PHYH: variants seen among roughly 807,000 people sequenced by gnomAD.
PHYH encodes the protein phytanoyl-CoA dioxygenase, peroxisomal.
In PHYH, 32 loss-of-function variants were observed where a neutral mutation model predicts 38.5. The ratio of observed to expected loss-of-function variants is 0.83; its 90% CI spans 0.63 to 1.12. The LOEUF (loss-of-function observed/expected upper bound fraction) is 1.12. PHYH is among the 50% of genes most tolerant of loss of function. PHYH has a pLI of 0.00. For synonymous variants in PHYH, 166 were observed against 157.9 expected, an observed-to-expected ratio of 1.05 and a Z score of -0.38; for missense variants, 426 against 434.8, an observed-to-expected ratio of 0.98 and a Z score of 0.18.
rs1436330773 is a variant in PHYH, at chr10:13,278,465, C to A, written c.964-111G>T. ...GATTTCTAGCTTCTATGAAAGGTTA[C>A]ATAGGGAAAATAATCCCTGTAAGTT... On this transcript the variant is annotated intron_variant, in intron 8 of 8. Coordinates refer to ENST00000263038, the MANE Select transcript of PHYH (RefSeq NM_006214.4). The A allele has an allele frequency of 2.2e-5, 17 of 783,778 alleles. No individual in the cohort carries two copies. The East Asian group carries it at 3.8e-4, about 18-fold the overall frequency. 48.6% of individuals were successfully genotyped at this position (783,778 alleles called of 1,614,324 possible).
At position 13,294,341 on chromosome 10, in the gene PHYH, C is replaced by A. The variant is rs1588515969; in HGVS notation, c.414+87G>T. ...ACAGTGCTCGGATTACAGGAGTGAG[C>A]CACTGCGCCCGGCCAAATCAGCGGG... On this transcript the variant is annotated intron_variant, in intron 4 of 8. Coordinates refer to ENST00000263038, the MANE Select transcript of PHYH (RefSeq NM_006214.4). 2.4e-6 allele frequency: 3 copies of A among 1,238,776 alleles called. No homozygotes were observed. In the East Asian group the frequency reaches 7.0e-5, roughly 29 times the overall value. 76.7% of individuals were successfully genotyped at this position (1,238,776 alleles called of 1,614,324 possible).
chr10:13,279,867 A>G (rs1835372004), intron 8 of PHYH, among the ~76,000 whole-genome samples: 1 of 152,232 alleles, frequency 6.6e-6, no homozygotes, highest in Non-Finnish European at 1.5e-5. Flanking sequence ...GTACTGAACA[A>G]AAAGTGAGGA....
chr10:13,290,461 G>A (rs1440328864), intron 5 of PHYH, among the ~76,000 whole-genome samples: 4 of 152,074 alleles, frequency 2.6e-5, no homozygotes, highest in East Asian at 1.9e-4. Context: ...GAGAGACCTG[G>A]TAATGCTAAG....
intron 7 of PHYH, among the ~76,000 whole-genome samples, chr10:13,282,634 A>G (rs1588506874): frequency 6.6e-6 from 1 of 150,712 alleles, no homozygotes; most frequent in Non-Finnish European, 1.5e-5. Context: ...CCAAGTCTAT[A>G]TATTAAAACC....
chr10:13,292,933 CAAAA>C (rs57345841), intron 4 of PHYH, among the ~76,000 whole-genome samples: 14 of 109,894 alleles, frequency 1.3e-4, no homozygotes, highest in Admixed American at 3.8e-4. Flanking sequence ...GACTCTGTCT[CAAAA>C]AAAAAAAAAA....
chr10:13,294,331 C>T (rs1835784655), intron 4 of PHYH, 97 bp downstream of exon 4: 1 of 1,100,034 alleles, frequency 9.1e-7, no homozygotes, highest in Non-Finnish European at 1.4e-6. Context: ...GCTCGGATTA[C>T]AGGAGTGAGC....
rs1490568614 is a variant in PHYH at position 13,287,938 on chromosome 10, G to T, written c.678+422C>A. On this transcript the variant is annotated intron_variant, in intron 6 of 8. Coordinates refer to ENST00000263038, the MANE Select transcript of PHYH (RefSeq NM_006214.4). ...CTCATGCCTTTAATCCCAGCACTTA[G>T]GGAGGCCGAGGTGAACAGATCACCT... is the stretch of plus-strand genomic sequence containing the variant. Among the ~76,000 whole-genome samples, 3 of 152,318 alleles carry T rather than the reference G, an allele frequency of 2.0e-5. No individual in the cohort carries two copies. In the East Asian group the frequency reaches 5.8e-4, roughly 29 times the overall value.
rs1835334005 is a variant in PHYH at position 13,278,230 on chromosome 10, A to T, written c.*71T>A. ...TAGAAAAGGTTACATCATCTCATTAAGAAAACATTTTCCTTAGACATTTCG... is the reference window on the plus strand; with the variant it reads ...TAGAAAAGGTTACATCATCTCATTATGAAAACATTTTCCTTAGACATTTCG... On this transcript the variant is annotated 3_prime_UTR_variant, in exon 9 of 9. Transcript: ENST00000263038. 2.9e-6 allele frequency: 3 copies of T among 1,038,516 alleles called. No individual in the cohort carries two copies. Among genetic ancestry groups the T allele is most frequent in the Non-Finnish European group, 4.6e-6 (3 of 656,960 alleles). 64.3% of individuals were successfully genotyped at this position (1,038,516 alleles called of 1,614,324 possible). A position where few individuals can be genotyped will look rare whatever the true frequency, so the allele number is the denominator to read the frequency against.
chr10:13,290,845 C>T (rs1245378758), intron 5 of PHYH, among the ~76,000 whole-genome samples: 1 of 152,008 alleles, frequency 6.6e-6, no homozygotes. Context: ...ACCTGTAATC[C>T]CAGCACTTTG....
At chr10:13,289,050 A>T (rs1653889430) in intron 5 of PHYH, among the ~76,000 whole-genome samples, 2 of 152,054 alleles carry the variant, frequency 1.3e-5, no homozygotes, top group South Asian at 4.1e-4. Flanking sequence ...CCCCGGAGAG[A>T]TAAACACCAA....
At chr10:13,295,291 T>C (rs913192124) in intron 3 of PHYH, 9 of 554,448 alleles carry the variant, frequency 1.6e-5, no homozygotes, top group East Asian at 1.2e-4. Flanking sequence ...ATCGCACCAC[T>C]GCACTCAGCC....
At chr10:13,284,819 C>T (rs555572623) in intron 6 of PHYH, among the ~76,000 whole-genome samples, 1 of 152,146 alleles carries the variant, frequency 6.6e-6, no homozygotes, top group Non-Finnish European at 1.5e-5. Context: ...CAGCCCATTC[C>T]TCTTCCTAAG....
At chr10:13,288,630 T>C in intron 5 of PHYH, 89 bp from the exon 6 acceptor site, 2 of 1,322,926 alleles carry the variant, frequency 1.5e-6, no homozygotes, top group South Asian at 1.2e-5. Context: ...TATAAAAATA[T>C]ATCCCAAAGT....
chr10:13,291,901 AT>A lies in PHYH; in HGVS notation c.425del (p.Tyr142LeufsTer17). 1 of 1,606,134 alleles carries A rather than the reference AT, an allele frequency of 6.2e-7. No individual in the cohort carries two copies. The highest frequency in any genetic ancestry group is 8.5e-7 in the Non-Finnish European group (1 of 1,174,248). ...RYCTLPEILKYVECFTGPNIM... is the reference protein window; with the variant it reads ...RYCTLPEILKXVECFTGPNIM... ...TATTAGGTCCAGTGAAGCACTCCACATATTTCAGAATCTAAGAAAGCAAAAA... is the reference window on the plus strand; with the variant it reads ...TATTAGGTCCAGTGAAGCACTCCACAATTTCAGAATCTAAGAAAGCAAAAA... On this transcript the variant is annotated frameshift_variant, in exon 5 of 9. Transcript: ENST00000263038. LOFTEE classifies it high-confidence loss of function.
At chr10:13,285,176 C>G (rs1835516341) in intron 6 of PHYH, among the ~76,000 whole-genome samples, 1 of 151,954 alleles carries the variant, frequency 6.6e-6, no homozygotes, top group South Asian at 2.1e-4. Flanking sequence ...CTGAGACGTT[C>G]TATTATTATT....
chr10:13,290,814 A>G (rs1351381982), intron 5 of PHYH, among the ~76,000 whole-genome samples: 1 of 152,128 alleles, frequency 6.6e-6, no homozygotes, highest in Non-Finnish European at 1.5e-5. Flanking sequence ...AGACAACTAT[A>G]GGCTGGGCGC....
At chr10:13,296,329 CTT>C (rs1440082647) in intron 2 of PHYH, among the ~76,000 whole-genome samples, 1 of 151,574 alleles carries the variant, frequency 6.6e-6, no homozygotes, top group African/African-American at 2.4e-5. Flanking sequence ...GTAATCCCAG[CTT>C]TTTGGGAGGC....
Position 13,295,269 on chromosome 10 carries a change from C to T in PHYH, c.245+227G>A. On this transcript the variant is annotated intron_variant, in intron 3 of 8. Transcript: ENST00000263038. Reference sequence around the variant, plus strand: ...GCTTGAGCCCAGGAACTTGAGGCCGCAGTAAGCTATGATCGCACCACTGCA... The same window carrying T: ...GCTTGAGCCCAGGAACTTGAGGCCGTAGTAAGCTATGATCGCACCACTGCA... The T allele has an allele frequency of 2.0e-5, 10 of 507,006 alleles. No individual in the cohort carries two copies. In the South Asian group the frequency reaches 2.2e-4, roughly 11 times the overall value. 31.4% of individuals were successfully genotyped at this position (507,006 alleles called of 1,614,324 possible).
At chr10:13,281,193 G>T in intron 7 of PHYH, 83 bp from the exon 8 acceptor site, 2 of 1,383,776 alleles carry the variant, frequency 1.4e-6, no homozygotes, top group South Asian at 2.4e-5. Flanking sequence ...CTTTTAGAAA[G>T]TCATTTATTT....
Sources: gnomAD v4.1 joint callset for allele counts (sites outside exome capture counted in the v4.1 genomes callset) on GRCh38, gnomAD v4.1.1 for gene constraint, MANE v1.5 for transcripts, NCBI Gene and HGNC (gene_info 2026-07-23, HGNC 2026-07-21) for gene names.